Variants in KCNH8 observed in about 807,000 individuals in gnomAD.
KCNH8 encodes the protein potassium voltage-gated channel subfamily H member 8, also known as voltage-gated delayed rectifier potassium channel KCNH8.
Under a neutral mutation model 103.6 loss-of-function variants are expected in KCNH8, and 70 were observed. The ratio of observed to expected loss-of-function variants is 0.68; its 90% CI spans 0.56 to 0.82. KCNH8 has a LOEUF of 0.82. Among genes scored for constraint, KCNH8 ranks in the 40% least tolerant of loss-of-function variants. The pLI, the probability that KCNH8 is intolerant of heterozygous loss-of-function variation, is 0.00. For synonymous variants in KCNH8, 498 were observed against 489.4 expected (o/e 1.02, Z -0.23); for missense variants, 1,217 against 1,329.9 (o/e 0.92, Z 1.32).
chr3:19,250,535 A>G (rs2064263882), intron 1 of KCNH8, among the ~76,000 whole-genome samples: 1 of 152,192 alleles, frequency 6.6e-6, no homozygotes, highest in South Asian at 2.1e-4. Context: ...TAAGAACTGG[A>G]CTTTAGGATA....
rs953095123 is a variant in KCNH8, at chr3:19,534,296, A to C, written c.*197A>C. 82 of 586,626 alleles carry C rather than the reference A, an allele frequency of 1.4e-4. No homozygotes were observed. Among genetic ancestry groups the C allele is most frequent in the Middle Eastern group, 4.4e-4 (1 of 2,276 alleles). 36.3% of individuals were successfully genotyped at this position (586,626 alleles called of 1,614,324 possible). On this transcript the variant is annotated 3_prime_UTR_variant, in exon 16 of 16. Coordinates refer to ENST00000328405, the MANE Select transcript of KCNH8 (RefSeq NM_144633.3). ...TTCTAGATACTAGAAGCATAATAGA[A>C]ACATTTTTCTGTACAGGTATTAAAC...
chr3:19,187,967 A>T (rs2063517947), intron 1 of KCNH8, among the ~76,000 whole-genome samples: 1 of 152,090 alleles, frequency 6.6e-6, no homozygotes, highest in African/African-American at 2.4e-5. Context: ...CTATACACGT[A>T]CCAGCGTCAC....
Position 19,280,517 on chromosome 3 carries a change from G to A in KCNH8, c.311-681G>A, listed in dbSNP as rs78130861. ...TATTTAATGTAAACAAATTCTTATT[G>A]CATTCTATTTGTGTTTACGTATTTT... On this transcript the variant is annotated intron_variant, in intron 2 of 15. Transcript: ENST00000328405. Among the ~76,000 whole-genome samples, 156 of 152,046 alleles carry A rather than the reference G, an allele frequency of 1.0e-3. 3 individuals are homozygous for A. The East Asian group carries it at 0.018, about 18-fold the overall frequency.
At chr3:19,531,996 C>A (rs1242045794) in intron 15 of KCNH8, among the ~76,000 whole-genome samples, 3 of 152,072 alleles carry the variant, frequency 2.0e-5, no homozygotes, top group African/African-American at 7.2e-5. Flanking sequence ...ATGAATCTAA[C>A]CAAAGACTAG....
At chr3:19,323,347 G>A (rs1332244447) in intron 3 of KCNH8, among the ~76,000 whole-genome samples, 2 of 152,040 alleles carry the variant, frequency 1.3e-5, no homozygotes, top group Admixed American at 6.6e-5. Context: ...TACTCAAGAG[G>A]CTGAGGCAGG....
At chr3:19,281,624 T>G (rs987447802) in intron 3 of KCNH8, among the ~76,000 whole-genome samples, 1 of 152,226 alleles carries the variant, frequency 6.6e-6, no homozygotes, top group East Asian at 1.9e-4. Flanking sequence ...CACTTCATTG[T>G]ATTAGGCAAA....
chr3:19,287,126 G>C (rs972315857), intron 3 of KCNH8, among the ~76,000 whole-genome samples: 4 of 151,830 alleles, frequency 2.6e-5, no homozygotes, highest in African/African-American at 9.7e-5. Context: ...AAAGGTCATA[G>C]GTGAGATTCT....
intron 5 of KCNH8, among the ~76,000 whole-genome samples, chr3:19,377,863 G>A (rs2066233393): frequency 6.6e-6 from 1 of 152,174 alleles, no homozygotes; most frequent in Admixed American, 6.5e-5. Flanking sequence ...CTAAGTTAGT[G>A]GAAGGAAGAG....
At chr3:19,215,209 T>C (rs1023377701) in intron 1 of KCNH8, among the ~76,000 whole-genome samples, 6 of 152,230 alleles carry the variant, frequency 3.9e-5, no homozygotes, top group African/African-American at 7.2e-5. Context: ...TTCCTGGGAA[T>C]TGTGCACTGG....
intron 1 of KCNH8, among the ~76,000 whole-genome samples, chr3:19,180,959 A>T (rs961256687): frequency 6.6e-6 from 1 of 152,184 alleles, no homozygotes; most frequent in Non-Finnish European, 1.5e-5. Flanking sequence ...GGTAGACTAG[A>T]GACAGAAATA....
At chr3:19,306,523 C>T (rs1034692633) in intron 3 of KCNH8, among the ~76,000 whole-genome samples, 1 of 152,098 alleles carries the variant, frequency 6.6e-6, no homozygotes, top group East Asian at 1.9e-4. Flanking sequence ...TGGTTAGTCT[C>T]ATCAGTGATC....
chr3:19,394,149 G>A (rs1290056211), intron 6 of KCNH8, among the ~76,000 whole-genome samples: 1 of 151,942 alleles, frequency 6.6e-6, no homozygotes, highest in Non-Finnish European at 1.5e-5. Flanking sequence ...TTCTCTACTT[G>A]TGCTTTCCCC....
rs371840020 is a variant in KCNH8, at chr3:19,350,413, C to T, written c.811+2448C>T. ...CAGCATGGAGTTTGAGATCTGAGAACGGAAAGACTGCCTCCTCAAGTGGGT... is the reference window on the plus strand; with the variant it reads ...CAGCATGGAGTTTGAGATCTGAGAATGGAAAGACTGCCTCCTCAAGTGGGT... On this transcript the variant is annotated intron_variant, in intron 5 of 15. Coordinates refer to ENST00000328405, the MANE Select transcript of KCNH8 (RefSeq NM_144633.3). 1.7e-3 allele frequency among the ~76,000 whole-genome samples: 263 copies of T among 152,172 alleles called. 1 individual carries two copies. Among genetic ancestry groups the T allele is most frequent in the African/African-American group, 5.8e-3 (243 of 41,546 alleles).
intron 3 of KCNH8, among the ~76,000 whole-genome samples, chr3:19,282,384 A>G (rs1209079618): frequency 6.6e-6 from 1 of 152,180 alleles, no homozygotes; most frequent in East Asian, 1.9e-4. Flanking sequence ...TGTCCAATGT[A>G]AGTTCCACAA....
chr3:19,353,648 A>G (rs564922790), intron 5 of KCNH8, among the ~76,000 whole-genome samples: 37 of 152,344 alleles, frequency 2.4e-4, no homozygotes, highest in African/African-American at 7.9e-4. Flanking sequence ...GATTATCTCA[A>G]TAGATGCAGA....
At chr3:19,265,946 C>G (rs1186561901) in intron 2 of KCNH8, among the ~76,000 whole-genome samples, 1 of 152,008 alleles carries the variant, frequency 6.6e-6, no homozygotes, top group Non-Finnish European at 1.5e-5. Flanking sequence ...TTAGGTCAGA[C>G]CCTTACAATT....
intron 7 of KCNH8, among the ~76,000 whole-genome samples, chr3:19,406,642 C>G (rs2066695784): frequency 6.6e-6 from 1 of 152,008 alleles, no homozygotes; most frequent in African/African-American, 2.4e-5. Context: ...GCTCAATAAC[C>G]TTATGCAACT....
intron 2 of KCNH8, among the ~76,000 whole-genome samples, chr3:19,280,109 G>C (rs1247634547): frequency 6.6e-6 from 1 of 151,964 alleles, no homozygotes; most frequent in East Asian, 1.9e-4. Flanking sequence ...AGGAAATACA[G>C]TGCAAGATTT....
chr3:19,183,833 AAGAG>A (rs1204779912), intron 1 of KCNH8, among the ~76,000 whole-genome samples: 1 of 152,168 alleles, frequency 6.6e-6, no homozygotes, highest in African/African-American at 2.4e-5. Context: ...CAGCATAAGA[AAGAG>A]AAAGATGCTG....
Sources: gnomAD v4.1 joint callset for allele counts (sites outside exome capture counted in the v4.1 genomes callset) on GRCh38, gnomAD v4.1.1 for gene constraint, MANE v1.5 for transcripts, NCBI Gene and HGNC (gene_info 2026-07-23, HGNC 2026-07-21) for gene names.